The following ARHGAP44 variants were observed in gnomAD, a reference collection of about 807,000 sequenced individuals.
ARHGAP44 encodes Rho GTPase activating protein 44, also known as rho GTPase-activating protein 44.
A neutral mutation model predicts 106.8 loss-of-function variants in ARHGAP44; 43 were observed. The ratio of observed to expected loss-of-function variants is 0.40; its 90% CI spans 0.32 to 0.52. ARHGAP44 has a LOEUF of 0.52. Among genes scored for constraint, ARHGAP44 ranks in the 20% least tolerant of loss-of-function variants. The pLI, the probability that ARHGAP44 is intolerant of heterozygous loss-of-function variation, is 0.48. For missense variants in ARHGAP44, 866 were observed against 1,050.5 expected, an observed-to-expected ratio of 0.82 and a Z score of 2.43; for synonymous variants, 439 against 410.3, an observed-to-expected ratio of 1.07 and a Z score of -0.85.
Position 12,896,447 on chromosome 17 carries a change from G to T in ARHGAP44, c.134G>T (p.Ser45Ile). 6.2e-7 allele frequency: 1 copy of T among 1,609,602 alleles called. No individual in the cohort carries two copies. The highest frequency in any genetic ancestry group is 1.1e-5 in the South Asian group (1 of 89,692). ...GAGCTGGTGAAACAGGTGTCCCACA[G>T]CACGCACAAGAAGCTCACCGCATGT... ...RLELVKQVSH[S>I]THKKLTACLQ... Residue 45 changes from serine to isoleucine, a missense_variant, in exon 3 of 21, where the codon AGC (serine) becomes ATC (isoleucine). Physicochemically the swap from Ser to Ile is moderately radical, Grantham distance 142 (BLOSUM62 -2). This residue lies in a region of ARHGAP44 where 448 missense variants were observed against 646.9 expected (regional missense o/e 0.69). Transcript: ENST00000379672.
intron 1 of ARHGAP44, among the ~76,000 whole-genome samples, chr17:12,875,237 C>T (rs2036518705): frequency 6.6e-6 from 1 of 152,082 alleles, no homozygotes; most frequent in African/African-American, 2.4e-5. Flanking sequence ...GGTCCAGGGA[C>T]CACCCTTTGG....
At chr17:12,865,464 A>T (rs574775227) in intron 1 of ARHGAP44, among the ~76,000 whole-genome samples, 1 of 152,130 alleles carries the variant, frequency 6.6e-6, no homozygotes, top group Non-Finnish European at 1.5e-5. Flanking sequence ...CATCAGTAGA[A>T]ATCTCAACAA....
chr17:12,894,308 G>A (rs75008591), intron 1 of ARHGAP44, among the ~76,000 whole-genome samples: 3,725 of 147,956 alleles, frequency 0.025, 162 homozygotes, highest in African/African-American at 0.089. Flanking sequence ...AAAGAGAGGG[G>A]GAGAGAGAGA....
At chr17:12,956,388 C>T (rs1418409711) in intron 14 of ARHGAP44, among the ~76,000 whole-genome samples, 3 of 152,088 alleles carry the variant, frequency 2.0e-5, no homozygotes, top group African/African-American at 2.4e-5. Context: ...ATCACAGGGA[C>T]GGGAGGGAGG....
At chr17:12,835,219 T>C (rs2035201565) in intron 1 of ARHGAP44, among the ~76,000 whole-genome samples, 1 of 152,178 alleles carries the variant, frequency 6.6e-6, no homozygotes, top group Non-Finnish European at 1.5e-5. Context: ...AATGATCAAA[T>C]GGTGTCAGTT....
chr17:12,878,830 T>A (rs1567664354), intron 1 of ARHGAP44, among the ~76,000 whole-genome samples: 1 of 152,228 alleles, frequency 6.6e-6, no homozygotes, highest in Non-Finnish European at 1.5e-5. Context: ...TCTTAAATCC[T>A]TTTGATCATT....
intron 7 of ARHGAP44, among the ~76,000 whole-genome samples, chr17:12,940,201 C>T (rs958683551): frequency 6.7e-5 from 10 of 149,004 alleles, no homozygotes; most frequent in Non-Finnish European, 4.4e-5. Context: ...CTGAGTGCCT[C>T]TTCTAAGGAT....
At chr17:12,918,378 C>G (rs544278884) in intron 5 of ARHGAP44, among the ~76,000 whole-genome samples, 1 of 152,246 alleles carries the variant, frequency 6.6e-6, no homozygotes, top group Non-Finnish European at 1.5e-5. Flanking sequence ...ATATAAAAAC[C>G]GCAGCCCGAG....
chr17:12,964,723 G>A (rs1244263195), intron 16 of ARHGAP44, among the ~76,000 whole-genome samples: 1 of 152,132 alleles, frequency 6.6e-6, no homozygotes, highest in Non-Finnish European at 1.5e-5. Context: ...GGCAGAGGAG[G>A]TTGCAGTGAG....
chr17:12,844,256 T>G (rs1445226105), intron 1 of ARHGAP44, among the ~76,000 whole-genome samples: 1 of 152,164 alleles, frequency 6.6e-6, no homozygotes, highest in Non-Finnish European at 1.5e-5. Context: ...TGGCTCGTGT[T>G]TCTGGAGGCT....
intron 1 of ARHGAP44, among the ~76,000 whole-genome samples, chr17:12,857,658 G>A (rs1222568204): frequency 6.6e-6 from 1 of 152,124 alleles, no homozygotes; most frequent in Non-Finnish European, 1.5e-5. Context: ...TTCTATTATG[G>A]TAGAATAGCT....
intron 1 of ARHGAP44, among the ~76,000 whole-genome samples, chr17:12,859,472 A>T (rs2150863390): frequency 6.6e-6 from 1 of 152,312 alleles, no homozygotes; most frequent in Non-Finnish European, 1.5e-5. Flanking sequence ...TCCATCAGTC[A>T]GTGTGAAAAG....
intron 16 of ARHGAP44, among the ~76,000 whole-genome samples, chr17:12,967,415 TG>T (rs2143269348): frequency 6.6e-6 from 1 of 152,054 alleles, no homozygotes; most frequent in South Asian, 2.1e-4. Flanking sequence ...ACACTGTGGT[TG>T]CAATGTCTGG....
At chr17:12,815,717 A>G (rs1048801702) in intron 1 of ARHGAP44, among the ~76,000 whole-genome samples, 1 of 152,208 alleles carries the variant, frequency 6.6e-6, no homozygotes, top group Non-Finnish European at 1.5e-5. Flanking sequence ...TCAGATACCA[A>G]CAACATGACA....
At chr17:12,908,705 T>C (rs1407799705) in intron 3 of ARHGAP44, among the ~76,000 whole-genome samples, 192 bp from the exon 4 acceptor site, 3 of 152,216 alleles carry the variant, frequency 2.0e-5, no homozygotes, top group African/African-American at 7.2e-5. Context: ...CAGTTCTCGT[T>C]TTCTGAATTT....
chr17:12,939,044 G>T lies in ARHGAP44; in HGVS notation c.583-2012G>T, dbSNP rs567833556. On this transcript the variant is annotated intron_variant, in intron 7 of 20. Transcript: ENST00000379672. ...ATCACTTAACTCTTTGTTTTTCTCT[G>T]ACTTGAAATGTCCTCCTCCAGCTGC... Among the ~76,000 whole-genome samples the T allele has an allele frequency of 2.8e-3, 430 of 152,174 alleles. 1 individual carries two copies. The highest frequency in any genetic ancestry group is 0.01 in the Middle Eastern group (3 of 294).
At chr17:12,979,765 T>TCA (rs1318150866) in intron 18 of ARHGAP44, among the ~76,000 whole-genome samples, 1 of 152,186 alleles carries the variant, frequency 6.6e-6, no homozygotes, top group Non-Finnish European at 1.5e-5. Context: ...GCCCCTGCCC[T>TCA]CACATTGCTC....
chr17:12,907,797 A>C (rs1228897712), intron 3 of ARHGAP44, among the ~76,000 whole-genome samples: 1 of 151,824 alleles, frequency 6.6e-6, no homozygotes, highest in African/African-American at 2.4e-5. Flanking sequence ...CTCTTTTTTG[A>C]ACATCTGTTT....
chr17:12,827,545 G>GTAATA lies in ARHGAP44; in HGVS notation c.53+37657_53+37661dup, dbSNP rs2034956532. Among the ~76,000 whole-genome samples, 3 of 152,112 alleles carry GTAATA rather than the reference G, an allele frequency of 2.0e-5. No individual in the cohort carries two copies. The South Asian group carries it at 6.2e-4, about 32-fold the overall frequency. On this transcript the variant is annotated intron_variant, in intron 1 of 20. Transcript: ENST00000379672. ...CACATAATAATATAATGATGGAATA[G>GTAATA]TAATATATTCAATATAACAATAACC...
Sources: allele counts gnomAD v4.1 joint callset (sites outside exome capture counted in the v4.1 genomes callset), GRCh38; gene constraint gnomAD v4.1.1; regional missense constraint gnomAD v4.1.1; transcripts MANE v1.5; gene names NCBI Gene and HGNC (gene_info 2026-07-23, HGNC 2026-07-21).